SMC1B: variants seen among roughly 807,000 people sequenced by gnomAD.
The protein encoded by SMC1B is structural maintenance of chromosomes protein 1B.
A neutral mutation model predicts 157.9 loss-of-function variants in SMC1B; 60 were observed. The observed-to-expected ratio is 0.38, with a 90% CI of 0.31 to 0.47. SMC1B has a LOEUF of 0.47. Ranked by LOEUF, SMC1B falls within the 20% of genes least tolerant of loss-of-function variation. The pLI is 0.99. For missense variants in SMC1B, 1,165 were observed against 1,426.2 expected (o/e 0.82, Z 2.95); for synonymous variants, 445 against 483.0 (o/e 0.92, Z 1.03).
In SMC1B at chr22:45,354,930, ATCTTGTTAGTGACTACAC is replaced by A. The variant is rs2086655109; in HGVS notation, c.3118+11_3118+28del. Reference sequence around the variant, plus strand: ...AGCAATCAAAACACCCATGAATATAATCTTGTTAGTGACTACACTCAATTTTACCATCTGTGGACTCTT... The same window carrying A: ...AGCAATCAAAACACCCATGAATATAATCAATTTTACCATCTGTGGACTCTT... On this transcript the variant is annotated intron_variant, in intron 20 of 24. Transcript: ENST00000357450. 27 of 1,607,884 alleles carry A rather than the reference ATCTTGTTAGTGACTACAC, an allele frequency of 1.7e-5. No homozygotes were observed. The highest frequency in any genetic ancestry group is 2.2e-5 in the Non-Finnish European group (26 of 1,174,574).
intron 9 of SMC1B, among the ~76,000 whole-genome samples, chr22:45,391,510 A>G (rs1602084532): frequency 6.6e-6 from 1 of 152,150 alleles, no homozygotes; most frequent in South Asian, 2.1e-4. Context: ...ATATGTACCT[A>G]TAGCTGCCAC....
At position 45,349,771 on chromosome 22, in the gene SMC1B, AAAAC is replaced by A. The variant is rs749227784; in HGVS notation, c.3448_3451del (p.Val1150Ter). 18 of 1,612,158 alleles carry A rather than the reference AAAAC, an allele frequency of 1.1e-5. No individual in the cohort carries two copies. The highest frequency in any genetic ancestry group is 1.7e-5 in the Admixed American group (1 of 59,442). On this transcript the variant is annotated frameshift_variant, in exon 23 of 25. Transcript: ENST00000357450. LOFTEE classifies it high-confidence loss of function. ...GTCTAGGGCTGCATCCACTTCATCT[AAAAC>A]AAAGAATGGGGCAGGACGAAAACTA...
At position 45,389,714 on chromosome 22, in the gene SMC1B, C is replaced by G; in HGVS notation, c.1729G>C (p.Asp577His). 1 of 1,612,202 alleles carries G rather than the reference C, an allele frequency of 6.2e-7. No homozygotes were observed. Among genetic ancestry groups the G allele is most frequent in the South Asian group, 1.1e-5 (1 of 90,826 alleles). Reference protein sequence around the residue: ...PETFLALDYLDIKPINERLRE... With the variant: ...PETFLALDYLHIKPINERLRE... ...ACCAGGCATTACAAAGTTCTTACAT[C>G]AAGGTAATCTAGAGCGAGGAATGTC... is the stretch of plus-strand genomic sequence containing the variant. The change falls in exon 10 of 25, where the codon GAT (aspartate) becomes CAT (histidine). Residue 577 changes from aspartate to histidine, a missense_variant and splice_region_variant. Coordinates refer to ENST00000357450, the MANE Select transcript of SMC1B (RefSeq NM_148674.5).
At chr22:45,353,913 A>AAC in intron 21 of SMC1B, 65 bp downstream of exon 21, 3 of 757,826 alleles carry the variant, frequency 4.0e-6, no homozygotes, top group South Asian at 4.3e-5. Context: ...AAAAAAAAAA[A>AAC]AAAAAAACAA....
chr22:45,371,126 GAATA>G (rs2086826845), intron 14 of SMC1B, among the ~76,000 whole-genome samples: 1 of 152,186 alleles, frequency 6.6e-6, no homozygotes, highest in Non-Finnish European at 1.5e-5. Flanking sequence ...ACTCCTGAGT[GAATA>G]AATAACCTTA....
intron 11 of SMC1B, among the ~76,000 whole-genome samples, 170 bp from the exon 12 acceptor site, chr22:45,383,783 A>G (rs1602076150): frequency 6.6e-6 from 1 of 152,322 alleles, no homozygotes; most frequent in Non-Finnish European, 1.5e-5. Context: ...TAAACAAACC[A>G]CAAATATAAA....
Position 45,386,946 on chromosome 22 carries a change from A to C in SMC1B, c.1832T>G (p.Phe611Cys). Residue 611 changes from phenylalanine to cysteine, a missense_variant, in exon 11 of 25, where the codon TTT (phenylalanine) becomes TGT (cysteine). Phe to Cys is a radical substitution (Grantham distance 205). Coordinates refer to ENST00000357450, the MANE Select transcript of SMC1B (RefSeq NM_148674.5). ...QFPQLKKVIQ[F>C]VCGNGLVCET... is the part of the protein sequence containing the mutation. The stretch of plus-strand genomic sequence containing the variant: ...ACAAACAAGACCATTTCCACACACA[A>C]ACTGAATCACTTTCTTCAGCTGAGG... 1 of 1,614,138 alleles carries C rather than the reference A, an allele frequency of 6.2e-7. No individual in the cohort carries two copies. The highest frequency in any genetic ancestry group is 8.5e-7 in the Non-Finnish European group (1 of 1,180,010).
intron 20 of SMC1B, 112 bp from the exon 21 acceptor site, chr22:45,354,244 T>A: frequency 2.6e-6 from 2 of 780,002 alleles, no homozygotes; most frequent in Non-Finnish European, 3.9e-6. Flanking sequence ...ATCTCTTGAG[T>A]AAAGGTACCT....
intron 6 of SMC1B, among the ~76,000 whole-genome samples, chr22:45,396,995 CAT>C (rs2087132271): frequency 6.6e-6 from 1 of 152,118 alleles, no homozygotes; most frequent in Admixed American, 6.6e-5. Flanking sequence ...ATGGCAAAAA[CAT>C]GTAATCGACA....
intron 14 of SMC1B, among the ~76,000 whole-genome samples, chr22:45,370,297 G>C (rs899948795): frequency 6.6e-6 from 1 of 151,968 alleles, no homozygotes; most frequent in Non-Finnish European, 1.5e-5. Context: ...CTTATTAAGT[G>C]CTTTGGCTTT....
At chr22:45,350,809 T>A (rs186425276) in intron 22 of SMC1B, among the ~76,000 whole-genome samples, 104 of 152,234 alleles carry the variant, frequency 6.8e-4, no homozygotes, top group African/African-American at 2.3e-3. Flanking sequence ...CCCGTACCTG[T>A]CAGCAAATTC....
intron 15 of SMC1B, among the ~76,000 whole-genome samples, chr22:45,364,589 CAG>C (rs939319207): frequency 1.4e-4 from 21 of 152,162 alleles, no homozygotes; most frequent in African/African-American, 4.8e-4. Flanking sequence ...CACACTCAGA[CAG>C]GGGGACAACA....
At chr22:45,364,478 C>T (rs983949738) in intron 15 of SMC1B, among the ~76,000 whole-genome samples, 1 of 152,126 alleles carries the variant, frequency 6.6e-6, no homozygotes, top group African/African-American at 2.4e-5. Context: ...TCTACTAGGT[C>T]AGTAATATTA....
In SMC1B at chr22:45,389,836, T is replaced by C. The variant is rs762667550; in HGVS notation, c.1607A>G (p.Lys536Arg). Residue 536 changes from lysine (K) to arginine (R), a missense_variant, in exon 10 of 25, where the codon AAG (lysine) becomes AGG (arginine). Lys to Arg is a conservative substitution (Grantham distance 26). Transcript: ENST00000357450. ...GGCAGTGATGAACCGGCCAAAAACC[T>C]TAGTAACAGCCAGCTGGTATTTCTT... The part of the protein sequence containing the change: ...IHKKYQLAVT[K>R]VFGRFITAIV... 1.2e-6 allele frequency: 2 copies of C among 1,614,112 alleles called. No individual in the cohort carries two copies. The highest frequency in any genetic ancestry group is 1.1e-5 in the South Asian group (1 of 91,076).
chr22:45,403,384 C>G (rs773568831), intron 4 of SMC1B, among the ~76,000 whole-genome samples: 19 of 152,184 alleles, frequency 1.2e-4, no homozygotes, highest in Non-Finnish European at 2.5e-4. Context: ...TGAGTATCTA[C>G]TATGAGCCAG....
intron 21 of SMC1B, among the ~76,000 whole-genome samples, chr22:45,352,906 C>T (rs188012733): frequency 3.3e-5 from 5 of 152,324 alleles, no homozygotes; most frequent in Non-Finnish European, 5.9e-5. Context: ...AGTTCACTCA[C>T]TGATACGTTC....
intron 12 of SMC1B, among the ~76,000 whole-genome samples, chr22:45,381,563 G>GCACTT (rs1345006012): frequency 1.3e-5 from 2 of 152,144 alleles, no homozygotes; most frequent in African/African-American, 4.8e-5. Context: ...TCTTACCCAA[G>GCACTT]CACTTTTCAC....
rs549651540 is a variant in SMC1B, at chr22:45,358,596, T to A, written c.2961+101A>T. ...CTTCCAAAACCATTAGGAAATCTTT[T>A]AAAAAAAAACAAACTTAATTCTATC... On this transcript the variant is annotated intron_variant, in intron 19 of 24. Coordinates refer to ENST00000357450, the MANE Select transcript of SMC1B (RefSeq NM_148674.5). 249 of 699,082 alleles carry A rather than the reference T, an allele frequency of 3.6e-4. No individual in the cohort carries two copies. The East Asian group carries it at 4.2e-3, about 12-fold the overall frequency. 43.3% of individuals were successfully genotyped at this position (699,082 alleles called of 1,614,324 possible).
At chr22:45,352,819 G>T (rs2086628095) in intron 21 of SMC1B, among the ~76,000 whole-genome samples, 1 of 152,196 alleles carries the variant, frequency 6.6e-6, no homozygotes. Flanking sequence ...AACATACCCA[G>T]GGATCAGCCC....
Sources: allele counts gnomAD v4.1 joint callset (sites outside exome capture counted in the v4.1 genomes callset), GRCh38; gene constraint gnomAD v4.1.1; transcripts MANE v1.5; gene names NCBI Gene and HGNC (gene_info 2026-07-23, HGNC 2026-07-21).